PCDH11Y: variants seen among roughly 807,000 people sequenced by gnomAD.
The protein encoded by PCDH11Y is protocadherin 11 Y-linked, also known as protocadherin-11 Y-linked.
For missense variants in PCDH11Y, 12 were observed against 224.8 expected, an observed-to-expected ratio of 0.05 and a Z score of 6.05; for synonymous variants, 9 against 83.6, an observed-to-expected ratio of 0.11 and a Z score of 4.87.
intron 2 of PCDH11Y, among the ~76,000 whole-genome samples, chrY:5,110,745 T>C: frequency 5.9e-5 from 2 of 33,840 alleles, no homozygotes; most frequent in Admixed American, 5.4e-4. Context: ...TAAAGAGAAC[T>C]GATCATAAAC....
At chrY:5,724,605 A>C in intron 4 of PCDH11Y, among the ~76,000 whole-genome samples, 3 of 33,720 alleles carry the variant, frequency 8.9e-5, no homozygotes, top group Admixed American at 5.4e-4. Context: ...AGATGATATG[A>C]GTTTCTTATA....
exon 1 of PCDH11Y, chrY:5,056,369 G>A: frequency 8.8e-6 from 2 of 227,395 alleles, no homozygotes; most frequent in Non-Finnish European, 1.1e-5. Context: ...CCTTTATAAT[G>A]ATTCCTTGCC....
chrY:5,472,423 C>T (rs1602930380), intron 2 of PCDH11Y, among the ~76,000 whole-genome samples: 2 of 31,776 alleles, frequency 6.3e-5, no homozygotes, highest in African/African-American at 2.4e-4. Context: ...TGTGTTGGGC[C>T]ACTACAAATT....
chrY:5,315,575 C>G, intron 2 of PCDH11Y, among the ~76,000 whole-genome samples: 1 of 33,694 alleles, frequency 3.0e-5, no homozygotes, highest in East Asian at 8.0e-4. Flanking sequence ...CCATGTATAC[C>G]AGTTGGTTAA....
At chrY:5,706,087 T>C in intron 4 of PCDH11Y, among the ~76,000 whole-genome samples, 1 of 26,065 alleles carries the variant, frequency 3.8e-5, no homozygotes, top group African/African-American at 1.5e-4. Context: ...TACAACCTGA[T>C]ACAGCCCTAA....
intron 2 of PCDH11Y, among the ~76,000 whole-genome samples, chrY:5,249,958 A>G (rs2053002341): frequency 7.2e-5 from 2 of 27,901 alleles, no homozygotes; most frequent in African/African-American, 2.8e-4. Context: ...AAAAGTGGAC[A>G]AAAGATATGA....
chrY:5,181,976 T>C (rs2052900597), intron 2 of PCDH11Y, among the ~76,000 whole-genome samples: 1 of 33,445 alleles, frequency 3.0e-5, no homozygotes, highest in South Asian at 6.6e-4. Flanking sequence ...AGAGGTGTTG[T>C]GGTCTTTTGG....
At chrY:5,232,922 C>G in intron 2 of PCDH11Y, among the ~76,000 whole-genome samples, 1 of 32,233 alleles carries the variant, frequency 3.1e-5, no homozygotes, top group Admixed American at 2.8e-4. Context: ...CTCCTGTGGG[C>G]GGGGGTCAGC....
In PCDH11Y at chrY:5,436,553, A is replaced by G. The variant is rs529918008; in HGVS notation, c.3130-64504A>G. 9.0e-5 allele frequency among the ~76,000 whole-genome samples: 3 copies of G among 33,477 alleles called. No homozygotes were observed. The South Asian group carries it at 2.0e-3, about 23-fold the overall frequency. 89.8% of individuals were successfully genotyped at this position (33,477 alleles called of 37,273 possible). A position where few individuals can be genotyped will look rare whatever the true frequency, so the allele number is the denominator to read the frequency against. ...CATCAGTTTACAGATGATGAAATTG[A>G]AGCTGAAGGGTTGAGTGCAATGCAA... On this transcript the variant is annotated intron_variant, in intron 2 of 4. Coordinates refer to the PCDH11Y transcript ENST00000400457.
At chrY:5,400,419 A>G (rs2053231734) in intron 2 of PCDH11Y, among the ~76,000 whole-genome samples, 1 of 34,403 alleles carries the variant, frequency 2.9e-5, no homozygotes, top group African/African-American at 1.1e-4. Context: ...TTATGGCCAG[A>G]TTTGGGGGCT....
rs1569348760 is a variant in PCDH11Y at position 5,602,885 on chromosome Y, A to T, written c.3352+21087A>T. 1.9e-3 allele frequency among the ~76,000 whole-genome samples: 56 copies of T among 29,010 alleles called. No homozygotes were observed. In the East Asian group the frequency reaches 0.049, roughly 25 times the overall value. The allele number at this position is 29,010 out of a possible 37,273, so 77.8% of individuals were successfully genotyped here. On this transcript the variant is annotated intron_variant, in intron 4 of 4. Transcript: ENST00000400457. ...ATTTTTATATATACACATATATATA[A>T]AAATTTATACTTACACATATATATA...
At chrY:5,396,046 G>A (rs2053226730) in intron 2 of PCDH11Y, among the ~76,000 whole-genome samples, 1 of 33,358 alleles carries the variant, frequency 3.0e-5, no homozygotes, top group African/African-American at 1.2e-4. Context: ...TCTCCCTCCC[G>A]GGTTCAAGCA....
intron 3 of PCDH11Y, among the ~76,000 whole-genome samples, chrY:5,575,304 A>T: frequency 3.1e-5 from 1 of 32,681 alleles, no homozygotes; most frequent in Non-Finnish European, 7.5e-5. Context: ...AGGAATTAAT[A>T]ACCAGAATAT....
chrY:5,149,711 C>A (rs2052862623), intron 2 of PCDH11Y, among the ~76,000 whole-genome samples: 1 of 30,334 alleles, frequency 3.3e-5, no homozygotes, highest in Admixed American at 3.1e-4. Flanking sequence ...AGTGGATAAC[C>A]AAGAGAAACA....
chrY:5,105,643 A>AAAG (rs2052790950), downstream of PCDH11Y, among the ~76,000 whole-genome samples: 1 of 31,825 alleles, frequency 3.1e-5, no homozygotes, highest in Non-Finnish European at 7.6e-5. Flanking sequence ...AAAAAAAAAA[A>AAAG]AAAGAAAGAA....
intron 2 of PCDH11Y, among the ~76,000 whole-genome samples, chrY:5,441,435 T>A: frequency 6.0e-5 from 2 of 33,144 alleles, no homozygotes; most frequent in Admixed American, 2.8e-4. Context: ...AACTTTGTGT[T>A]GTACTTTGAA....
At chrY:5,068,693 C>G (rs2052692880) in intron 1 of PCDH11Y, among the ~76,000 whole-genome samples, 1 of 31,558 alleles carries the variant, frequency 3.2e-5, no homozygotes, top group South Asian at 7.4e-4. Flanking sequence ...ATTCCCCTGC[C>G]TCAGCCTCCT....
intron 2 of PCDH11Y, among the ~76,000 whole-genome samples, chrY:5,146,986 A>C: frequency 3.3e-5 from 1 of 29,912 alleles, no homozygotes; most frequent in Admixed American, 3.2e-4. Context: ...TGAATATCAG[A>C]CTCCAAATTC....
At chrY:5,533,244 G>T (rs2124691906) in intron 3 of PCDH11Y, among the ~76,000 whole-genome samples, 2 of 32,753 alleles carry the variant, frequency 6.1e-5, no homozygotes, top group Non-Finnish European at 1.5e-4. Flanking sequence ...CTTGCGCTAG[G>T]CCTGATAATA....
Sources: gnomAD v4.1 joint callset for allele counts (sites outside exome capture counted in the v4.1 genomes callset) on GRCh38, gnomAD v4.1.1 for gene constraint, MANE v1.5 for transcripts, NCBI Gene and HGNC (gene_info 2026-07-23, HGNC 2026-07-21) for gene names.